The following TRIM33 variants were observed in gnomAD, a reference collection of about 807,000 sequenced individuals.
TRIM33 encodes E3 ubiquitin-protein ligase TRIM33.
TRIM33 carries 20 observed loss-of-function variants against 125.4 expected under a neutral mutation model. The observed-to-expected ratio is 0.16, with a 90% CI of 0.11 to 0.23. The LOEUF (loss-of-function observed/expected upper bound fraction) is 0.23, where lower values mean the gene tolerates loss of function less well. Among genes scored for constraint, TRIM33 ranks in the 10% least tolerant of loss-of-function variants. TRIM33 has a pLI of 1.00. For synonymous variants in TRIM33, 564 were observed against 513.9 expected, an observed-to-expected ratio of 1.10 and a Z score of -1.32; for missense variants, 920 against 1,411.4, an observed-to-expected ratio of 0.65 and a Z score of 5.58.
intron 11 of TRIM33, among the ~76,000 whole-genome samples, chr1:114,417,947 C>T (rs1653039405): frequency 6.6e-6 from 1 of 152,350 alleles, no homozygotes; most frequent in East Asian, 1.9e-4. Flanking sequence ...TGAGCCACTG[C>T]ACCCAGCCTA....
At chr1:114,400,198 A>G (rs973464253) in intron 17 of TRIM33, among the ~76,000 whole-genome samples, 1 of 152,154 alleles carries the variant, frequency 6.6e-6, no homozygotes, top group Non-Finnish European at 1.5e-5. Flanking sequence ...TATTTTATTG[A>G]CTGATTGACT....
At chr1:114,399,632 A>T in intron 17 of TRIM33, 23 bp from the exon 18 acceptor site, 3 of 1,550,516 alleles carry the variant, frequency 1.9e-6, no homozygotes, top group South Asian at 1.2e-5. Context: ...CATAATGGCA[A>T]ATAAGAATTC....
At chr1:114,505,094 T>C (rs1247402112) in intron 1 of TRIM33, among the ~76,000 whole-genome samples, 2 of 152,228 alleles carry the variant, frequency 1.3e-5, no homozygotes, top group African/African-American at 4.8e-5. Flanking sequence ...GTGTAATTAT[T>C]ACTCCCAATT....
chr1:114,418,732 G>A (rs144018304), intron 11 of TRIM33, among the ~76,000 whole-genome samples: 38 of 151,932 alleles, frequency 2.5e-4, no homozygotes, highest in Non-Finnish European at 4.1e-4. Context: ...GAGGTTTCTC[G>A]CATGTCTGAC....
At chr1:114,471,120 TAA>T (rs1268634872) in intron 1 of TRIM33, among the ~76,000 whole-genome samples, 5 of 152,060 alleles carry the variant, frequency 3.3e-5, no homozygotes, top group Non-Finnish European at 4.4e-5. Context: ...TGAAGGAAAT[TAA>T]AAGTGACAGT....
At chr1:114,430,141 T>C (rs1488409416) in intron 6 of TRIM33, among the ~76,000 whole-genome samples, 1 of 152,082 alleles carries the variant, frequency 6.6e-6, no homozygotes, top group African/African-American at 2.4e-5. Flanking sequence ...TGAATCTATA[T>C]GGTAAAATTA....
rs111571212 is a variant in TRIM33, at chr1:114,427,304, A to G, written c.1303-10T>C. The G allele has an allele frequency of 1.0e-6, 1 of 953,918 alleles. No individual in the cohort carries two copies. The highest frequency in any genetic ancestry group is 1.8e-5 in the South Asian group (1 of 55,746). 59.1% of individuals were successfully genotyped at this position (953,918 alleles called of 1,614,324 possible). On this transcript the variant is annotated splice_polypyrimidine_tract_variant and intron_variant, in intron 7 of 19. Coordinates refer to ENST00000358465, the MANE Select transcript of TRIM33 (RefSeq NM_015906.4). The stretch of plus-strand genomic sequence containing the variant: ...GCAACTGGAAAGTAATCTTAAAGGG[A>G]AAAAAATCCACATTAGTCTCAAAAT...
chr1:114,464,828 T>C (rs1219086475), intron 1 of TRIM33, among the ~76,000 whole-genome samples: 1 of 152,066 alleles, frequency 6.6e-6, no homozygotes, highest in African/African-American at 2.4e-5. Flanking sequence ...GCAATTATAA[T>C]AACAATGGAC....
rs1370349515 is a variant in TRIM33, at chr1:114,395,006, C to T, written c.*2642G>A. ...TGTGAGAGAGTATAAAAACAAACTG[C>T]CTTCAGGGACTGACAGATACAATTT... On this transcript the variant is annotated 3_prime_UTR_variant, in exon 20 of 20. Transcript: ENST00000358465. 5.1e-6 allele frequency: 1 copy of T among 195,052 alleles called. No homozygotes were observed. Among genetic ancestry groups the T allele is most frequent in the Non-Finnish European group, 1.1e-5 (1 of 93,796 alleles). The allele number at this position is 195,052 out of a possible 1,614,324, so 12.1% of individuals were successfully genotyped here. A position where few individuals can be genotyped will look rare whatever the true frequency, so the allele number is the denominator to read the frequency against.
chr1:114,499,928 A>C (rs1243238360), intron 1 of TRIM33, among the ~76,000 whole-genome samples: 2 of 152,258 alleles, frequency 1.3e-5, no homozygotes, highest in African/African-American at 4.8e-5. Flanking sequence ...TGGGAGGCCC[A>C]GGCAGGCAGA....
intron 1 of TRIM33, among the ~76,000 whole-genome samples, chr1:114,481,637 ATATG>A (rs1322016143): frequency 7.0e-6 from 1 of 143,192 alleles, no homozygotes; most frequent in East Asian, 1.9e-4. Context: ...AACTATATAT[ATATG>A]TGTGTGTGTG....
At chr1:114,475,478 G>A (rs1650919285) in intron 1 of TRIM33, among the ~76,000 whole-genome samples, 1 of 152,140 alleles carries the variant, frequency 6.6e-6, no homozygotes, top group East Asian at 1.9e-4. Context: ...TCAGGAGATC[G>A]AGACCATCCT....
intron 4 of TRIM33, among the ~76,000 whole-genome samples, chr1:114,446,048 G>T (rs537304223): frequency 3.9e-5 from 6 of 152,136 alleles, no homozygotes; most frequent in Non-Finnish European, 7.4e-5. Flanking sequence ...AGTAGACAGG[G>T]TTTCACCATG....
chr1:114,488,828 A>C (rs1052582121), intron 1 of TRIM33, among the ~76,000 whole-genome samples: 6 of 152,168 alleles, frequency 3.9e-5, no homozygotes, highest in African/African-American at 1.2e-4. Context: ...GAAAAAGAAC[A>C]ACCCACCCCA....
chr1:114,459,264 T>C (rs1275778488), intron 4 of TRIM33, among the ~76,000 whole-genome samples: 1 of 152,164 alleles, frequency 6.6e-6, no homozygotes, highest in Non-Finnish European at 1.5e-5. Flanking sequence ...GGCTGAAGGC[T>C]GAGATGATCA....
intron 5 of TRIM33, among the ~76,000 whole-genome samples, chr1:114,431,625 A>G (rs1333823875): frequency 6.6e-6 from 1 of 152,354 alleles, no homozygotes; most frequent in South Asian, 2.1e-4. Context: ...ACGACCAACC[A>G]TAAGACATAG....
chr1:114,495,196 T>G (rs1652300918), intron 1 of TRIM33, among the ~76,000 whole-genome samples: 1 of 152,134 alleles, frequency 6.6e-6, no homozygotes, highest in African/African-American at 2.4e-5. Context: ...ATTACAGGTG[T>G]GAGCCCCCAT....
intron 4 of TRIM33, among the ~76,000 whole-genome samples, chr1:114,443,420 T>TG (rs1172665691): frequency 6.6e-6 from 1 of 151,884 alleles, no homozygotes; most frequent in African/African-American, 2.4e-5. Flanking sequence ...AATGAATGAA[T>TG]GAGATGGTGT....
intron 18 of TRIM33, among the ~76,000 whole-genome samples, 192 bp from the exon 19 acceptor site, chr1:114,398,182 C>T (rs1651660316): frequency 6.6e-6 from 1 of 152,128 alleles, no homozygotes; most frequent in Non-Finnish European, 1.5e-5. Context: ...GTTACTAAAG[C>T]TACTGTGAAA....
Sources: allele counts gnomAD v4.1 joint callset (sites outside exome capture counted in the v4.1 genomes callset), GRCh38; gene constraint gnomAD v4.1.1; transcripts MANE v1.5; gene names NCBI Gene and HGNC (gene_info 2026-07-23, HGNC 2026-07-21).